Variants in KAZN observed in about 807,000 individuals in gnomAD.
KAZN encodes the protein kazrin, periplakin interacting protein, also known as kazrin.
KAZN carries 40 observed loss-of-function variants against 87.4 expected under a neutral mutation model. That is an observed-to-expected ratio of 0.46 (90% CI 0.36 to 0.60). The LOEUF (loss-of-function observed/expected upper bound fraction) is 0.60. Among genes scored for constraint, KAZN ranks in the 20% least tolerant of loss-of-function variants. The pLI is 0.00. For synonymous variants in KAZN, 466 were observed against 458.3 expected, an observed-to-expected ratio of 1.02 and a Z score of -0.22; for missense variants, 898 against 1,073.9, an observed-to-expected ratio of 0.84 and a Z score of 2.29.
Position 15,094,901 on chromosome 1 carries a change from C to A in KAZN, c.1515C>A (p.Ile505=). Residue 505 remains isoleucine (I), a synonymous_variant, in exon 10 of 15, where the codon ATC becomes ATA. Transcript: ENST00000376030. The surrounding 1 kb of genome is among the most constrained non-coding windows in gnomAD (Gnocchi z 4.5). The part of the protein sequence containing the change: ...SLHRRKLRLA[I]EDYRDAEAGR... ...ACCGGCGCAAGCTGCGCCTGGCCAT[C>A]GAGGACTACCGTGATGCCGAGGCAG... 1 of 1,550,500 alleles carries A rather than the reference C, an allele frequency of 6.4e-7. No homozygotes were observed. The highest frequency in any genetic ancestry group is 2.0e-5 in the Admixed American group (1 of 50,996).
intron 1 of KAZN, among the ~76,000 whole-genome samples, chr1:14,607,717 C>T (rs569875222): frequency 1.3e-5 from 2 of 152,212 alleles, no homozygotes; most frequent in African/African-American, 4.8e-5. Context: ...CAAAGAGAAT[C>T]GCAGAGGGGA....
chr1:14,609,089 A>C (rs183471596), intron 1 of KAZN, among the ~76,000 whole-genome samples: 180 of 152,322 alleles, frequency 1.2e-3, no homozygotes, highest in African/African-American at 3.7e-3. Flanking sequence ...TTGGGGAAAC[A>C]TGACCTGGAA....
intron 2 of KAZN, among the ~76,000 whole-genome samples, chr1:14,464,526 T>C (rs1239109417): frequency 6.6e-6 from 1 of 150,906 alleles, no homozygotes; most frequent in Non-Finnish European, 1.5e-5. Context: ...CTAGTCTAAA[T>C]AATTTCTTTT....
chr1:14,221,130 T>C (rs1647087798), intron 2 of KAZN, among the ~76,000 whole-genome samples: 2 of 152,204 alleles, frequency 1.3e-5, no homozygotes, highest in Admixed American at 1.3e-4. Flanking sequence ...GAGGATGTAA[T>C]CACTCATTCC....
intron 2 of KAZN, among the ~76,000 whole-genome samples, chr1:14,549,284 T>C (rs1673356633): frequency 6.6e-6 from 1 of 152,214 alleles, no homozygotes; most frequent in Non-Finnish European, 1.5e-5. Context: ...TCCAGAATTC[T>C]ATCCTCTGTA....
At chr1:14,482,337 C>G (rs1428246860) in intron 2 of KAZN, among the ~76,000 whole-genome samples, 1 of 152,190 alleles carries the variant, frequency 6.6e-6, no homozygotes, top group East Asian at 1.9e-4. Flanking sequence ...TTCTTGCAGA[C>G]AGCCAGAGTT....
At chr1:14,728,394 A>T (rs1387123631) in intron 1 of KAZN, among the ~76,000 whole-genome samples, 1 of 151,532 alleles carries the variant, frequency 6.6e-6, no homozygotes, top group African/African-American at 2.4e-5. Flanking sequence ...TGCAAATAAG[A>T]TGAAGCTTCA....
At chr1:14,849,719 G>A (rs1199872336) in intron 1 of KAZN, among the ~76,000 whole-genome samples, 2 of 152,152 alleles carry the variant, frequency 1.3e-5, no homozygotes, top group East Asian at 3.8e-4. Context: ...ATCCCAGAGG[G>A]CATTCGCTTC....
chr1:14,219,664 T>A (rs755393236), intron 2 of KAZN, among the ~76,000 whole-genome samples: 12 of 152,142 alleles, frequency 7.9e-5, no homozygotes, highest in Non-Finnish European at 1.5e-4. Flanking sequence ...AAGCAAAATA[T>A]GATAGGTGCT....
chr1:14,645,658 G>A (rs1007901704), intron 1 of KAZN, among the ~76,000 whole-genome samples: 3 of 152,174 alleles, frequency 2.0e-5, no homozygotes, highest in Non-Finnish European at 4.4e-5. Context: ...CAAGACTATG[G>A]TGTTTTCTAG....
intron 1 of KAZN, among the ~76,000 whole-genome samples, chr1:14,012,977 A>G (rs1640386274): frequency 1.3e-5 from 2 of 152,236 alleles, no homozygotes; most frequent in South Asian, 4.1e-4. Context: ...TTCGAGCCTG[A>G]TAGAGACCAG....
At chr1:14,222,538 G>T (rs183951391) in intron 2 of KAZN, among the ~76,000 whole-genome samples, 118 of 152,282 alleles carry the variant, frequency 7.7e-4, no homozygotes, top group African/African-American at 2.6e-3. Context: ...TAGCTTTGGG[G>T]CCATTAGATC....
intron 2 of KAZN, among the ~76,000 whole-genome samples, chr1:14,533,118 T>C (rs1294172806): frequency 6.6e-6 from 1 of 152,182 alleles, no homozygotes; most frequent in Non-Finnish European, 1.5e-5. Flanking sequence ...GAGAATCAAG[T>C]TATAACTGTG....
intron 2 of KAZN, among the ~76,000 whole-genome samples, chr1:14,555,272 T>C (rs1046359556): frequency 2.0e-5 from 3 of 152,222 alleles, no homozygotes; most frequent in African/African-American, 7.2e-5. Context: ...CTACAGATTT[T>C]AGGAAGTGAC....
intron 1 of KAZN, among the ~76,000 whole-genome samples, chr1:14,018,614 T>C (rs1640678884): frequency 6.6e-6 from 1 of 152,072 alleles, no homozygotes; most frequent in South Asian, 2.1e-4. Context: ...GTGGACTGGG[T>C]GGGGAGGGTC....
At chr1:14,118,882 A>G (rs1229191434) in intron 1 of KAZN, among the ~76,000 whole-genome samples, 1 of 152,164 alleles carries the variant, frequency 6.6e-6, no homozygotes, top group Non-Finnish European at 1.5e-5. Context: ...TTGACTCAAA[A>G]CTGCCAAGGG....
intron 2 of KAZN, among the ~76,000 whole-genome samples, chr1:14,358,634 C>T (rs1468791706): frequency 6.6e-6 from 1 of 152,116 alleles, no homozygotes; most frequent in Non-Finnish European, 1.5e-5. Context: ...TCTTTGTTCT[C>T]ATTGGTTTCA....
At chr1:14,414,557 C>T (rs2101222953) in intron 2 of KAZN, among the ~76,000 whole-genome samples, 1 of 152,198 alleles carries the variant, frequency 6.6e-6, no homozygotes, top group Non-Finnish European at 1.5e-5. Context: ...ATTTATTCAG[C>T]ATGATGCCAA....
At chr1:14,229,617 C>T (rs966116454) in intron 2 of KAZN, among the ~76,000 whole-genome samples, 6 of 152,186 alleles carry the variant, frequency 3.9e-5, no homozygotes, top group African/African-American at 9.6e-5. Flanking sequence ...ACAGCAAATA[C>T]GAAAATCTTA....
Sources: gnomAD v4.1 joint callset for allele counts (sites outside exome capture counted in the v4.1 genomes callset) on GRCh38, gnomAD v4.1.1 for gene constraint, Gnocchi (gnomAD v3.1) non-coding constraint, MANE v1.5 for transcripts, NCBI Gene and HGNC (gene_info 2026-07-23, HGNC 2026-07-21) for gene names.